POLA1: variants seen among roughly 807,000 people sequenced by gnomAD.
The protein encoded by POLA1 is DNA polymerase alpha catalytic subunit.
A neutral mutation model predicts 124.0 loss-of-function variants in POLA1; 15 were observed. The ratio of observed to expected loss-of-function variants is 0.12; its 90% confidence interval spans 0.08 to 0.19. POLA1 has a LOEUF of 0.19. Among genes scored for constraint, POLA1 ranks in the 10% least tolerant of loss-of-function variants. The pLI is 1.00. For missense variants in POLA1, 886 were observed against 1,103.4 expected, an observed-to-expected ratio of 0.80 and a Z score of 2.79; for synonymous variants, 408 against 389.4, an observed-to-expected ratio of 1.05 and a Z score of -0.56.
At chrX:24,901,322 G>A (rs2047274851) in intron 35 of POLA1, among the ~76,000 whole-genome samples, 1 of 111,473 alleles carries the variant, frequency 9.0e-6, no homozygotes, top group Admixed American at 9.6e-5. Context: ...TTGCAGATAT[G>A]AAGAGGAAGG....
At chrX:24,719,943 T>A (rs1473180345) in intron 10 of POLA1, among the ~76,000 whole-genome samples, 3 of 110,031 alleles carry the variant, frequency 2.7e-5, no homozygotes, top group Non-Finnish European at 5.7e-5. Flanking sequence ...GTCTTCCACA[T>A]CACTGCTAGA....
intron 34 of POLA1, among the ~76,000 whole-genome samples, chrX:24,844,867 A>G (rs188030566): frequency 0.01 from 1,129 of 111,786 alleles, 8 homozygotes; most frequent in Non-Finnish European, 0.015. Context: ...ATGAAAATTT[A>G]GGCCAAATCA....
At chrX:24,876,920 A>G (rs1428967344) in intron 34 of POLA1, among the ~76,000 whole-genome samples, 1 of 112,168 alleles carries the variant, frequency 8.9e-6, no homozygotes, top group Non-Finnish European at 1.9e-5. Flanking sequence ...TCTGAAAATA[A>G]CAATGTAGCA....
intron 24 of POLA1, among the ~76,000 whole-genome samples, chrX:24,746,823 G>A (rs908919292): frequency 8.9e-6 from 1 of 112,241 alleles, no homozygotes; most frequent in Non-Finnish European, 1.9e-5. Context: ...GCTTTGTAAA[G>A]GCTAGGTTAT....
At chrX:24,967,853 C>G (rs190535102) in intron 36 of POLA1, among the ~76,000 whole-genome samples, 18 of 111,184 alleles carry the variant, frequency 1.6e-4, no homozygotes, top group Non-Finnish European at 1.9e-5. Flanking sequence ...CCCTTTTCAC[C>G]AAGCACCACC....
chrX:24,770,798 A>G (rs1170801186), intron 26 of POLA1, among the ~76,000 whole-genome samples: 1 of 110,784 alleles, frequency 9.0e-6, no homozygotes, highest in African/African-American at 3.3e-5. Flanking sequence ...TGCCTTTCAC[A>G]TAACTGGTAC....
intron 26 of POLA1, among the ~76,000 whole-genome samples, chrX:24,791,995 T>A (rs995569373): frequency 1.8e-5 from 2 of 112,306 alleles, no homozygotes; most frequent in African/African-American, 6.5e-5. Flanking sequence ...TTTCTACTGG[T>A]TTTGGGACTA....
At chrX:24,820,697 T>C (rs963311155) in intron 30 of POLA1, among the ~76,000 whole-genome samples, 42 of 110,161 alleles carry the variant, frequency 3.8e-4, no homozygotes, top group African/African-American at 1.1e-3. Context: ...ATGGCACATA[T>C]AGCTTATTTT....
intron 26 of POLA1, among the ~76,000 whole-genome samples, chrX:24,760,785 G>A (rs1329442653): frequency 9.0e-6 from 1 of 111,665 alleles, no homozygotes; most frequent in Non-Finnish European, 1.9e-5. Context: ...TTTGGAAGGC[G>A]GGGAGAAGAA....
Position 24,899,981 on chromosome X carries a change from TC to T in POLA1, c.4164+11865del, listed in dbSNP as rs761634526. 3.3e-4 allele frequency among the ~76,000 whole-genome samples: 37 copies of T among 112,111 alleles called. No homozygotes were observed. The Middle Eastern group carries it at 0.023, about 69-fold the overall frequency. On this transcript the variant is annotated intron_variant, in intron 35 of 36. Transcript: ENST00000379068. ...GTTTTTTGTGTCCTATAAGAGAATT[TC>T]CCCCCTTGGTTCACCTGCTGATTGG...
At chrX:24,695,672 T>C (rs1355400471) in intron 1 of POLA1, among the ~76,000 whole-genome samples, 2 of 110,643 alleles carry the variant, frequency 1.8e-5, no homozygotes, top group Non-Finnish European at 3.8e-5. Context: ...GAGACAGGGT[T>C]TCACCATGTT....
chrX:24,815,479 G>A (rs1415807501), intron 30 of POLA1, among the ~76,000 whole-genome samples: 1 of 111,079 alleles, frequency 9.0e-6, no homozygotes, highest in Non-Finnish European at 1.9e-5. Context: ...TGTTTGGAGT[G>A]TAGGCCTGTA....
intron 26 of POLA1, among the ~76,000 whole-genome samples, chrX:24,803,286 G>A (rs1273577499): frequency 9.0e-6 from 1 of 111,312 alleles, no homozygotes; most frequent in Non-Finnish European, 1.9e-5. Context: ...CAGCTGGAGA[G>A]AAGGAGAGCA....
At position 24,995,938 on chromosome X, in the gene POLA1, C is replaced by T. The variant is rs144848232; in HGVS notation, c.4395C>T (p.Ala1465=). The T allele has an allele frequency of 5.3e-4, 636 of 1,207,053 alleles. 3 individuals are homozygous for T. In the African/African-American group the frequency reaches 9.5e-3, roughly 18 times the overall value. ...TGAGCAAACTCTTCGCTGGTTGTGC[C>T]GTGAAATCCTAAGGGAATCCCAGGA... ...VNLSKLFAGC[A]VKS Residue 1465 remains alanine (A), a synonymous_variant, in exon 37 of 37, where the codon GCC becomes GCT. Coordinates refer to ENST00000379068, the MANE Select transcript of POLA1 (RefSeq NM_001330360.2).
chrX:24,715,129 T>C lies in POLA1; in HGVS notation c.463-12T>C. 1.7e-6 allele frequency: 2 copies of C among 1,152,217 alleles called. No individual in the cohort carries two copies. The highest frequency in any genetic ancestry group is 2.4e-6 in the Non-Finnish European group (2 of 842,420). The allele number at this position is 1,152,217 out of a possible 1,213,427, so 95.0% of individuals were successfully genotyped here. ...AAGGCTTTCTCATGTTACCTTTCTT[T>C]ATCATTTCCAGAAAGCTGTAGACTT... is the stretch of plus-strand genomic sequence containing the variant. On this transcript the variant is annotated splice_polypyrimidine_tract_variant and intron_variant, in intron 5 of 36. Coordinates refer to ENST00000379068, the MANE Select transcript of POLA1 (RefSeq NM_001330360.2).
intron 26 of POLA1, among the ~76,000 whole-genome samples, chrX:24,765,165 G>A (rs1263502040): frequency 9.0e-6 from 1 of 110,872 alleles, no homozygotes; most frequent in Non-Finnish European, 1.9e-5. Flanking sequence ...TCCCTCCATA[G>A]GGACCTTGTG....
intron 26 of POLA1, among the ~76,000 whole-genome samples, chrX:24,786,065 A>G (rs866955501): frequency 1.8e-5 from 2 of 112,064 alleles, no homozygotes; most frequent in Non-Finnish European, 3.8e-5. Flanking sequence ...AATATATTCC[A>G]TTTTGTATGT....
intron 2 of POLA1, among the ~76,000 whole-genome samples, chrX:24,701,647 G>C (rs1242757217): frequency 9.0e-6 from 1 of 111,126 alleles, no homozygotes; most frequent in East Asian, 2.8e-4. Flanking sequence ...TGTCGGTCAG[G>C]CTGGCCTGGA....
At chrX:24,939,876 G>A (rs953245481) in intron 36 of POLA1, among the ~76,000 whole-genome samples, 1 of 111,813 alleles carries the variant, frequency 8.9e-6, no homozygotes, top group African/African-American at 3.2e-5. Flanking sequence ...TCTTAGGAAG[G>A]AATTGATTAA....
Sources: gnomAD v4.1 joint callset for allele counts (sites outside exome capture counted in the v4.1 genomes callset) on GRCh38, gnomAD v4.1.1 for gene constraint, MANE v1.5 for transcripts, NCBI Gene and HGNC (gene_info 2026-07-23, HGNC 2026-07-21) for gene names.